DCX: variants seen among roughly 807,000 people sequenced by gnomAD.
The protein encoded by DCX is doublecortin, also known as neuronal migration protein doublecortin.
DCX carries 4 observed loss-of-function variants against 20.9 expected under a neutral mutation model. The ratio of observed to expected loss-of-function variants is 0.19; its 90% CI spans 0.09 to 0.44. The LOEUF is 0.44. Among genes scored for constraint, DCX ranks in the 20% least tolerant of loss-of-function variants. The probability of loss-of-function intolerance (pLI) is 0.99; values close to 1 mark genes in which losing one functional copy is unlikely to be tolerated. For missense variants in DCX, 133 were observed against 296.9 expected, an observed-to-expected ratio of 0.45 and a Z score of 4.06; for synonymous variants, 103 against 111.4, an observed-to-expected ratio of 0.92 and a Z score of 0.47.
intron 3 of DCX, among the ~76,000 whole-genome samples, chrX:111,366,168 C>A (rs1924620323): frequency 8.9e-6 from 1 of 112,099 alleles, no homozygotes; most frequent in South Asian, 3.7e-4. Context: ...AGATCTTGAT[C>A]TATGTATGTC....
rs151097648 is a variant in DCX, at chrX:111,366,409, G to A, written c.706-33256C>T. ...AAAAAGTAATCAGTCCAGAGACAGA[G>A]CTGAGGGTTCAAGTCATAGGGCTAA... On this transcript the variant is annotated intron_variant, in intron 3 of 6. Transcript: ENST00000636035. Among the ~76,000 whole-genome samples, 171 of 112,272 alleles carry A rather than the reference G, an allele frequency of 1.5e-3. 1 individual carries two copies. Among genetic ancestry groups the A allele is most frequent in the African/African-American group, 5.2e-3 (162 of 30,922 alleles).
At chrX:111,337,920 C>A (rs781668951) in intron 3 of DCX, among the ~76,000 whole-genome samples, 2 of 111,719 alleles carry the variant, frequency 1.8e-5, no homozygotes, top group East Asian at 5.7e-4. Context: ...GAATACAAGG[C>A]AGGCTGTTGT....
intron 5 of DCX, among the ~76,000 whole-genome samples, chrX:111,313,094 T>G (rs1349937667): frequency 1.8e-5 from 2 of 111,087 alleles, no homozygotes; most frequent in Admixed American, 1.9e-4. Flanking sequence ...TTTAATTTTA[T>G]AGAGGACAAA....
intron 3 of DCX, among the ~76,000 whole-genome samples, chrX:111,379,743 G>A (rs765498279): frequency 1.8e-5 from 2 of 111,851 alleles, no homozygotes; most frequent in East Asian, 2.8e-4. Context: ...GTCATATGGT[G>A]ACTCTGTTTA....
chrX:111,301,521 A>C lies in DCX; in HGVS notation c.*166T>G. 1.8e-6 allele frequency: 1 copy of C among 549,627 alleles called. No homozygotes were observed. Among genetic ancestry groups the C allele is most frequent in the Non-Finnish European group, 3.2e-6 (1 of 308,511 alleles). The allele number at this position is 549,627 out of a possible 1,213,427, so 45.3% of individuals were successfully genotyped here. A position where few individuals can be genotyped will look rare whatever the true frequency, so the allele number is the denominator to read the frequency against. On this transcript the variant is annotated 3_prime_UTR_variant, in exon 7 of 7. Coordinates refer to ENST00000636035, the MANE Select transcript of DCX (RefSeq NM_001195553.2). ...GGATCAGTGGCCCAGAGGAGAAATC[A>C]CAGGAAAATAAACCCAACATATTAC...
chrX:111,327,848 C>A (rs2095103027), intron 5 of DCX, among the ~76,000 whole-genome samples: 1 of 112,203 alleles, frequency 8.9e-6, no homozygotes, highest in Non-Finnish European at 1.9e-5. Context: ...GGAATGTTCA[C>A]TGAATGGATG....
intron 3 of DCX, among the ~76,000 whole-genome samples, chrX:111,388,869 T>G (rs112274912): frequency 0.078 from 8,715 of 111,859 alleles, 372 homozygotes; most frequent in Non-Finnish European, 0.12. Context: ...AGCACACACT[T>G]GGACTAAGGG....
intron 3 of DCX, among the ~76,000 whole-genome samples, chrX:111,393,665 G>A (rs1040444633): frequency 1.8e-5 from 2 of 111,121 alleles, no homozygotes; most frequent in Admixed American, 9.6e-5. Context: ...ATTAAAGAAT[G>A]GGAAAATGAT....
intron 4 of DCX, among the ~76,000 whole-genome samples, chrX:111,332,804 T>C (rs754465677): frequency 5.4e-5 from 6 of 111,826 alleles, no homozygotes. Flanking sequence ...TCAAGAAATA[T>C]GGTCACTATT....
intron 2 of DCX, among the ~76,000 whole-genome samples, chrX:111,402,016 A>T (rs181185461): frequency 1.8e-5 from 2 of 112,202 alleles, no homozygotes; most frequent in Non-Finnish European, 3.8e-5. Context: ...CTGTCTAAAT[A>T]ACAACCAGTA....
chrX:111,352,085 T>C lies in DCX; in HGVS notation c.706-18932A>G, dbSNP rs781369176. Among the ~76,000 whole-genome samples the C allele has an allele frequency of 5.4e-5, 6 of 111,404 alleles. No homozygotes were observed. The East Asian group carries it at 1.7e-3, about 32-fold the overall frequency. On this transcript the variant is annotated intron_variant, in intron 3 of 6. Transcript: ENST00000636035. The stretch of plus-strand genomic sequence containing the variant: ...TCCAATAACCTCCTCCCAGAAAATA[T>C]TGGACAATATCTGGAGACATTTTTG...
At chrX:111,391,000 CT>C (rs1356622491) in intron 3 of DCX, among the ~76,000 whole-genome samples, 8 of 28,123 alleles carry the variant, frequency 2.8e-4, no homozygotes, top group Non-Finnish European at 7.1e-4. Flanking sequence ...TGATATCCTG[CT>C]AAAAAAAAAA....
intron 3 of DCX, among the ~76,000 whole-genome samples, chrX:111,388,739 T>C (rs1926717444): frequency 8.9e-6 from 1 of 112,270 alleles, no homozygotes; most frequent in Admixed American, 9.5e-5. Context: ...ACAGTGAGGA[T>C]TGATTTGTTA....
chrX:111,320,641 G>A (rs1196259479), intron 5 of DCX, among the ~76,000 whole-genome samples: 1 of 110,215 alleles, frequency 9.1e-6, no homozygotes, highest in Non-Finnish European at 1.9e-5. Context: ...TTTATATATG[G>A]TACAAATTCT....
intron 3 of DCX, among the ~76,000 whole-genome samples, chrX:111,393,297 C>T (rs1927087052): frequency 9.0e-6 from 1 of 111,176 alleles, no homozygotes; most frequent in Middle Eastern, 4.3e-3. Flanking sequence ...CCAAAAGAAC[C>T]TTGACTCTTA....
intron 3 of DCX, among the ~76,000 whole-genome samples, chrX:111,379,201 C>T (rs1015350917): frequency 2.7e-5 from 3 of 112,094 alleles, no homozygotes; most frequent in African/African-American, 9.7e-5. Flanking sequence ...ATTTAAGTAA[C>T]AGCTTTATTG....
chrX:111,359,787 C>T (rs1464267077), intron 3 of DCX, among the ~76,000 whole-genome samples: 1 of 111,653 alleles, frequency 9.0e-6, no homozygotes, highest in Non-Finnish European at 1.9e-5. Flanking sequence ...CAGGACAATG[C>T]AAATGAAAGC....
chrX:111,301,248 A>G lies in DCX; in HGVS notation c.*439T>C. ...CCACCATTCTTGAGATCCAGAGAAAAGGGGCACTTGTGTTTGTCATTCTTG... is the reference window on the plus strand; with the variant it reads ...CCACCATTCTTGAGATCCAGAGAAAGGGGGCACTTGTGTTTGTCATTCTTG... On this transcript the variant is annotated 3_prime_UTR_variant, in exon 7 of 7. Coordinates refer to ENST00000636035, the MANE Select transcript of DCX (RefSeq NM_001195553.2). 1 of 147,726 alleles carries G rather than the reference A, an allele frequency of 6.8e-6. No homozygotes were observed. Among genetic ancestry groups the G allele is most frequent in the Non-Finnish European group, 1.3e-5 (1 of 74,184 alleles). The allele number at this position is 147,726 out of a possible 1,213,427, so 12.2% of individuals were successfully genotyped here.
intron 3 of DCX, among the ~76,000 whole-genome samples, chrX:111,389,238 G>A (rs1926750918): frequency 9.0e-6 from 1 of 111,148 alleles, no homozygotes; most frequent in Non-Finnish European, 1.9e-5. Context: ...CATTTGACAC[G>A]GCTGCCCGCA....
Sources: gnomAD v4.1 joint callset for allele counts (sites outside exome capture counted in the v4.1 genomes callset) on GRCh38, gnomAD v4.1.1 for gene constraint, MANE v1.5 for transcripts, NCBI Gene and HGNC (gene_info 2026-07-23, HGNC 2026-07-21) for gene names.